The following SDAD1 variants were observed in gnomAD, a reference collection of about 807,000 sequenced individuals.
SDAD1 encodes the protein SDA1 domain containing 1, also known as protein SDA1 homolog.
In SDAD1, 79 loss-of-function variants were observed where a neutral mutation model predicts 100.3. The observed-to-expected ratio is 0.79, with a 90% CI of 0.66 to 0.95. The LOEUF is 0.95. SDAD1 is among the 40% of genes least tolerant of loss of function. The pLI, the probability that SDAD1 is intolerant of heterozygous loss-of-function variation, is 0.00. For missense variants in SDAD1, 790 were observed against 810.9 expected (o/e 0.97, Z 0.31); for synonymous variants, 267 against 271.4 (o/e 0.98, Z 0.16).
intron 1 of SDAD1, 155 bp downstream of exon 1, chr4:75,990,597 C>T: frequency 6.6e-7 from 1 of 1,526,038 alleles, no homozygotes; most frequent in Non-Finnish European, 8.9e-7. Flanking sequence ...AAGGCATGTC[C>T]CGTCCCCAAC....
intron 1 of SDAD1, among the ~76,000 whole-genome samples, chr4:75,984,658 A>G (rs1001871170): frequency 1.3e-5 from 2 of 152,048 alleles, no homozygotes; most frequent in Non-Finnish European, 2.9e-5. Context: ...CAGCCACCTG[A>G]TAATCAAATG....
intron 14 of SDAD1, among the ~76,000 whole-genome samples, chr4:75,962,157 T>C (rs149469819): frequency 0.014 from 2,180 of 152,318 alleles, 43 homozygotes; most frequent in African/African-American, 0.048. Flanking sequence ...TGTTTGGTTT[T>C]CTGTCCTTGC....
In SDAD1 at chr4:75,974,062, C is replaced by G. The variant is rs765463560; in HGVS notation, c.636+14G>C. The G allele has an allele frequency of 1.2e-5, 20 of 1,611,532 alleles. No homozygotes were observed. The highest frequency in any genetic ancestry group is 1.6e-5 in the Non-Finnish European group (19 of 1,177,984). On this transcript the variant is annotated intron_variant, in intron 7 of 21. Coordinates refer to ENST00000356260, the MANE Select transcript of SDAD1 (RefSeq NM_018115.4). The stretch of plus-strand genomic sequence containing the variant: ...CCACAGACAGAGCTTACACACAGCC[C>G]TATAGGTGCTCACCTTGGTGACCTT...
chr4:75,982,451 C>A (rs1730591511), intron 1 of SDAD1, among the ~76,000 whole-genome samples: 1 of 152,060 alleles, frequency 6.6e-6, no homozygotes. Context: ...AGTTCGAGAC[C>A]AAACTGGGTA....
At chr4:75,960,017 G>A (rs760093647) in intron 17 of SDAD1, 49 bp downstream of exon 17, 2 of 1,569,722 alleles carry the variant, frequency 1.3e-6, no homozygotes, top group East Asian at 4.5e-5. Flanking sequence ...GGTCTGCACA[G>A]ATACTGCAGG....
chr4:75,982,446 G>C (rs1012581409), intron 1 of SDAD1, among the ~76,000 whole-genome samples: 1 of 152,010 alleles, frequency 6.6e-6, no homozygotes, highest in Non-Finnish European at 1.5e-5. Flanking sequence ...CCAGGAGTTC[G>C]AGACCAAACT....
Position 75,974,144 on chromosome 4 carries a change from A to G in SDAD1, c.579-11T>C. ...GTTTTTGCATCATTCCTGGGGGAAG[A>G]CAATGAATGCTTTGAAGTAAATTTT... is the stretch of plus-strand genomic sequence containing the variant. On this transcript the variant is annotated splice_polypyrimidine_tract_variant and intron_variant, in intron 6 of 21. Coordinates refer to ENST00000356260, the MANE Select transcript of SDAD1 (RefSeq NM_018115.4). The G allele has an allele frequency of 6.2e-7, 1 of 1,611,758 alleles. No individual in the cohort carries two copies. The highest frequency in any genetic ancestry group is 1.7e-5 in the Admixed American group (1 of 60,014).
At chr4:75,977,533 C>T (rs904542825) in intron 4 of SDAD1, 113 bp downstream of exon 4, 24 of 744,268 alleles carry the variant, frequency 3.2e-5, no homozygotes, top group Admixed American at 1.6e-4. Context: ...ACAATGGTTG[C>T]TTTTTCCTGT....
intron 4 of SDAD1, among the ~76,000 whole-genome samples, chr4:75,977,436 T>G (rs555298294): frequency 7.2e-5 from 11 of 152,224 alleles, no homozygotes; most frequent in African/African-American, 2.2e-4. Flanking sequence ...TGTGAGTAAA[T>G]GAGTAAATAC....
At position 75,990,886 on chromosome 4, in the gene SDAD1, C is replaced by T; in HGVS notation, c.-45G>A. On this transcript the variant is annotated 5_prime_UTR_variant, in exon 1 of 22. Coordinates refer to ENST00000356260, the MANE Select transcript of SDAD1 (RefSeq NM_018115.4). ...CGCGGCGAGCAGTTTTAAAAAAACT[C>T]AGACGGCCGGCACCCCGCAATCCCT... 1 of 1,612,770 alleles carries T rather than the reference C, an allele frequency of 6.2e-7. No homozygotes were observed. The highest frequency in any genetic ancestry group is 1.1e-5 in the South Asian group (1 of 91,034).
chr4:75,961,431 G>A, intron 14 of SDAD1, 123 bp from the exon 15 acceptor site: 1 of 688,872 alleles, frequency 1.5e-6, no homozygotes, highest in East Asian at 2.8e-5. Context: ...TATAGCTTAG[G>A]TCTCCAAAAC....
In SDAD1 at chr4:75,981,376, C is replaced by T; in HGVS notation, c.290G>A (p.Arg97Gln). The T allele has an allele frequency of 3.7e-6, 6 of 1,613,746 alleles. No homozygotes were observed. The highest frequency in any genetic ancestry group is 1.1e-5 in the South Asian group (1 of 91,068). ...CNHTVLDPDL[R>Q]MTFCKALILL... Reference sequence around the variant, plus strand: ...TCATCCAACTACTGGTCCTACCATTCGCAGATCTGGATCCAATACGGTATG... The same window carrying T: ...TCATCCAACTACTGGTCCTACCATTTGCAGATCTGGATCCAATACGGTATG... The change falls in exon 3 of 22, where the codon CGA becomes CAA. Residue 97 changes from arginine (R) to glutamine (Q), a missense_variant. Coordinates refer to ENST00000356260, the MANE Select transcript of SDAD1 (RefSeq NM_018115.4).
intron 17 of SDAD1, among the ~76,000 whole-genome samples, chr4:75,959,819 A>G (rs1189472811): frequency 2.6e-5 from 4 of 152,180 alleles, no homozygotes; most frequent in Non-Finnish European, 5.9e-5. Flanking sequence ...AGCACCAAAC[A>G]GCATGCCCTT....
In SDAD1 at chr4:75,981,488, C is replaced by T. The variant is rs928305265; in HGVS notation, c.196-18G>A. ...TGACTAATCTGTAACAAAGCAAAGG[C>T]TCTTCTGAAGTTGCTCTCTTTCTCT... On this transcript the variant is annotated intron_variant, in intron 2 of 21. Transcript: ENST00000356260. 2.5e-6 allele frequency: 4 copies of T among 1,613,388 alleles called. No individual in the cohort carries two copies. The Admixed American group carries it at 6.7e-5, about 27-fold the overall frequency.
At chr4:75,957,994 T>C in intron 17 of SDAD1, 53 bp from the exon 18 acceptor site, 5 of 1,440,322 alleles carry the variant, frequency 3.5e-6, no homozygotes, top group Non-Finnish European at 4.9e-6. Flanking sequence ...ACATTCAACA[T>C]AAAGTTGAGA....
At chr4:75,954,627 A>G (rs1205125636) in intron 21 of SDAD1, among the ~76,000 whole-genome samples, 6 of 152,196 alleles carry the variant, frequency 3.9e-5, no homozygotes, top group Non-Finnish European at 8.8e-5. Flanking sequence ...CTACAGAATA[A>G]AAGATGAAAT....
intron 12 of SDAD1, among the ~76,000 whole-genome samples, chr4:75,966,053 C>T (rs550606715): frequency 5.9e-5 from 9 of 152,180 alleles, no homozygotes; most frequent in South Asian, 2.1e-4. Context: ...AAACAGAACC[C>T]GTCCCGACAC....
intron 1 of SDAD1, among the ~76,000 whole-genome samples, chr4:75,984,157 T>G (rs1389511577): frequency 7.0e-6 from 1 of 143,838 alleles, no homozygotes; most frequent in African/African-American, 2.5e-5. Context: ...GTATCTGTTT[T>G]GGTACCTTAA....
chr4:75,981,186 GTTA>G (rs1464147899), intron 3 of SDAD1, among the ~76,000 whole-genome samples, 183 bp downstream of exon 3: 1 of 152,170 alleles, frequency 6.6e-6, no homozygotes, highest in East Asian at 1.9e-4. Flanking sequence ...TTTGAGCCAG[GTTA>G]TTAAGTTTCC....
Sources: allele counts gnomAD v4.1 joint callset (sites outside exome capture counted in the v4.1 genomes callset), GRCh38; gene constraint gnomAD v4.1.1; transcripts MANE v1.5; gene names NCBI Gene and HGNC (gene_info 2026-07-23, HGNC 2026-07-21).